GLMN: variants seen among roughly 807,000 people sequenced by gnomAD.
The protein encoded by GLMN is glomulin, FKBP associated protein, also known as glomulin.
Under a neutral mutation model 87.8 loss-of-function variants are expected in GLMN, and 75 were observed. That is an observed-to-expected ratio of 0.85 (90% confidence interval 0.71 to 1.04). The LOEUF (loss-of-function observed/expected upper bound fraction) is 1.04, where lower values mean the gene tolerates loss of function less well. Among genes scored for constraint, GLMN ranks in the 50% least tolerant of loss-of-function variants. The pLI, the probability that GLMN is intolerant of heterozygous loss-of-function variation, is 0.00. For missense variants in GLMN, 588 were observed against 658.8 expected (o/e 0.89, Z 1.18); for synonymous variants, 206 against 221.6 (o/e 0.93, Z 0.63).
chr1:92,263,431 A>C (rs1655258684), intron 15 of GLMN, among the ~76,000 whole-genome samples, 192 bp downstream of exon 15: 1 of 152,228 alleles, frequency 6.6e-6, no homozygotes, highest in Non-Finnish European at 1.5e-5. Context: ...TCATCTAGAA[A>C]GAGGAGGTTT....
intron 3 of GLMN, among the ~76,000 whole-genome samples, chr1:92,293,455 G>A (rs998414761): frequency 4.6e-5 from 7 of 151,912 alleles, no homozygotes; most frequent in Non-Finnish European, 7.4e-5. Flanking sequence ...ACAGGTGCCC[G>A]CCACCACTCC....
intron 16 of GLMN, among the ~76,000 whole-genome samples, chr1:92,249,001 T>C (rs1653066054): frequency 6.6e-6 from 1 of 152,140 alleles, no homozygotes; most frequent in Non-Finnish European, 1.5e-5. Flanking sequence ...TTTTTAAAAA[T>C]GTTTAGTGAA....
At chr1:92,267,500 G>C (rs996220076) in intron 11 of GLMN, among the ~76,000 whole-genome samples, 4 of 151,848 alleles carry the variant, frequency 2.6e-5, no homozygotes, top group Admixed American at 1.3e-4. Flanking sequence ...TCAGGAGATC[G>C]AGACCATCCT....
At chr1:92,298,993 C>T, upstream of GLMN, 1 of 667,496 alleles carries the variant, frequency 1.5e-6, no homozygotes, top group Non-Finnish European at 2.4e-6. Flanking sequence ...CTTCTGGCCC[C>T]GCCCCGCGCT....
chr1:92,292,586 C>CTTT (rs1161512049), intron 3 of GLMN, among the ~76,000 whole-genome samples: 1 of 125,358 alleles, frequency 8.0e-6, no homozygotes, highest in East Asian at 2.4e-4. Context: ...AATTTTTTGC[C>CTTT]TTTTTTTTTT....
the GLMN span, among the ~76,000 whole-genome samples, chr1:92,347,940 C>T: frequency 3.3e-5 from 5 of 151,960 alleles, no homozygotes; most frequent in South Asian, 6.2e-4. Flanking sequence ...GATGGAGTCT[C>T]GCTCTGTTGC....
At chr1:92,320,422 A>C in the GLMN span, among the ~76,000 whole-genome samples, 3 of 151,854 alleles carry the variant, frequency 2.0e-5, no homozygotes, top group Non-Finnish European at 4.4e-5. Context: ...ACAGGCGCGC[A>C]CCGCCATGTC....
At chr1:92,252,389 A>C (rs1361527520) in intron 16 of GLMN, among the ~76,000 whole-genome samples, 1 of 152,154 alleles carries the variant, frequency 6.6e-6, no homozygotes, top group Non-Finnish European at 1.5e-5. Flanking sequence ...GTGAGACCCC[A>C]ACTCAAAAGG....
At chr1:92,290,121 G>C in intron 5 of GLMN, 77 bp downstream of exon 5, 1 of 838,306 alleles carries the variant, frequency 1.2e-6, no homozygotes, top group South Asian at 1.3e-5. Flanking sequence ...CTTTGGTGTA[G>C]TATTGACATT....
chr1:92,324,933 C>T, the GLMN span, among the ~76,000 whole-genome samples: 1 of 152,166 alleles, frequency 6.6e-6, no homozygotes, highest in African/African-American at 2.4e-5. Context: ...CATTTACTAG[C>T]TGTATGAAAA....
chr1:92,291,508 G>A lies in GLMN; in HGVS notation c.195C>T (p.Leu65=), dbSNP rs757591433. 7.4e-6 allele frequency: 12 copies of A among 1,613,010 alleles called. No individual in the cohort carries two copies. The highest frequency in any genetic ancestry group is 1.7e-5 in the Admixed American group (1 of 60,020). The change falls in exon 4 of 19, where the codon CTC becomes CTT. Residue 65 remains leucine (L), a synonymous_variant. Transcript: ENST00000370360. ...KVIIKNMGWN[L]VGPVVRCLLC... ...AAAGGCATCGAACAACAGGACCAAC[G>A]AGATTCCAGCCCATATTCTTGATGA...
Position 92,288,947 on chromosome 1 carries a change from TC to T in GLMN, c.598del (p.Glu200LysfsTer5). 1.9e-6 allele frequency: 3 copies of T among 1,603,072 alleles called. No individual in the cohort carries two copies. Among genetic ancestry groups the T allele is most frequent in the Non-Finnish European group, 2.6e-6 (3 of 1,170,080 alleles). ...TAATTCATCCTTTAACTTTTCATTT[TC>T]CAGTGAGTTTTCTTTGTTATCAATG... ...EVIDNKENSLENEKLKDELLK... is the reference protein window; with the variant it reads ...EVIDNKENSLXNEKLKDELLK... On this transcript the variant is annotated frameshift_variant, in exon 6 of 19. Coordinates refer to ENST00000370360, the MANE Select transcript of GLMN (RefSeq NM_053274.3). LOFTEE classifies it high-confidence loss of function.
At chr1:92,303,364 A>T (rs1009882121), upstream of GLMN, among the ~76,000 whole-genome samples, 1 of 152,186 alleles carries the variant, frequency 6.6e-6, no homozygotes, top group African/African-American at 2.4e-5. Flanking sequence ...AAACAGAAAA[A>T]CTTGTTAAAA....
the GLMN span, among the ~76,000 whole-genome samples, chr1:92,331,233 T>G: frequency 6.6e-6 from 1 of 152,240 alleles, no homozygotes; most frequent in African/African-American, 2.4e-5. Context: ...TACAGTCTAC[T>G]TTGCTGACAT....
chr1:92,325,435 A>G, the GLMN span, among the ~76,000 whole-genome samples: 3 of 152,148 alleles, frequency 2.0e-5, no homozygotes, highest in African/African-American at 7.2e-5. Flanking sequence ...AAGCTAGGAG[A>G]AACATTGATC....
At chr1:92,314,750 T>TA in the GLMN span, among the ~76,000 whole-genome samples, 54 of 107,564 alleles carry the variant, frequency 5.0e-4, no homozygotes, top group South Asian at 8.6e-4. Flanking sequence ...CTCAATAAAT[T>TA]AAAAAAAAAA....
At chr1:92,346,018 T>A in the GLMN span, 1 of 745,732 alleles carries the variant, frequency 1.3e-6, no homozygotes, top group Non-Finnish European at 2.3e-6. Context: ...TTGGAAAATA[T>A]CATACCTCTA....
At position 92,297,430 on chromosome 1, in the gene GLMN, CTAATAGCTGGTCTGTG is replaced by C. The variant is rs1267240602; in HGVS notation, c.123_138del (p.His41GlnfsTer43). ...TTATTCTTTTCATTTTGAATAATTT[CTAATAGCTGGTCTGTG>C]TGCCCTTCTTCTATGCATCTTTGCC... On this transcript the variant is annotated frameshift_variant, in exon 3 of 19. Transcript: ENST00000370360. LOFTEE classifies it high-confidence loss of function. 6.2e-7 allele frequency: 1 copy of C among 1,610,812 alleles called. No homozygotes were observed. Among genetic ancestry groups the C allele is most frequent in the African/African-American group, 1.3e-5 (1 of 74,656 alleles).
At chr1:92,261,547 C>T (rs1245111585) in intron 16 of GLMN, among the ~76,000 whole-genome samples, 4 of 152,176 alleles carry the variant, frequency 2.6e-5, no homozygotes, top group Middle Eastern at 3.4e-3. Flanking sequence ...AGTAGCACAA[C>T]GAGGTCAGAA....
Sources: allele counts gnomAD v4.1 joint callset (sites outside exome capture counted in the v4.1 genomes callset), GRCh38; gene constraint gnomAD v4.1.1; transcripts MANE v1.5; gene names NCBI Gene and HGNC (gene_info 2026-07-23, HGNC 2026-07-21).